Variants in DPYD observed in about 807,000 individuals in gnomAD.
DPYD encodes the protein dihydropyrimidine dehydrogenase [NADP(+)].
A neutral mutation model predicts 116.2 loss-of-function variants in DPYD; 109 were observed. The observed-to-expected ratio is 0.94, with a 90% CI of 0.80 to 1.10. The LOEUF (loss-of-function observed/expected upper bound fraction) is 1.10, where lower values mean the gene tolerates loss of function less well. DPYD is among the 50% of genes least tolerant of loss of function. DPYD has a pLI of 0.00. For synonymous variants in DPYD, 440 were observed against 432.0 expected (o/e 1.02, Z -0.23); for missense variants, 1,302 against 1,254.5 (o/e 1.04, Z -0.57).
chr1:97,919,555 T>C (rs77822194), intron 1 of DPYD, among the ~76,000 whole-genome samples: 2,746 of 152,256 alleles, frequency 0.018, 33 homozygotes, highest in Non-Finnish European at 0.028. Context: ...CTTAATACTG[T>C]CAGAAGCTTG....
At chr1:97,259,824 C>T (rs1284605211) in intron 18 of DPYD, among the ~76,000 whole-genome samples, 1 of 152,010 alleles carries the variant, frequency 6.6e-6, no homozygotes, top group African/African-American at 2.4e-5. Flanking sequence ...TCAGACTAGC[C>T]AGACTGAAAT....
chr1:97,223,455 C>A (rs917614130), intron 19 of DPYD, among the ~76,000 whole-genome samples: 5 of 151,610 alleles, frequency 3.3e-5, no homozygotes, highest in Non-Finnish European at 7.4e-5. Context: ...AATGAAGGCA[C>A]AGGTCATAAT....
chr1:97,412,052 A>T (rs190816305), intron 14 of DPYD, among the ~76,000 whole-genome samples: 22 of 152,342 alleles, frequency 1.4e-4, no homozygotes, highest in African/African-American at 4.3e-4. Flanking sequence ...AAGGGTATAC[A>T]CCTCATTAAG....
At chr1:97,311,696 C>T (rs1299217679) in intron 16 of DPYD, among the ~76,000 whole-genome samples, 1 of 151,538 alleles carries the variant, frequency 6.6e-6, no homozygotes, top group African/African-American at 2.4e-5. Flanking sequence ...GGAAAAAATC[C>T]AAATTGTCCA....
At position 97,819,327 on chromosome 1, in the gene DPYD, T is replaced by C. The variant is rs559447458; in HGVS notation, c.233+8787A>G. On this transcript the variant is annotated intron_variant, in intron 3 of 22. Transcript: ENST00000370192. ...AATTAAGATAGAATTTTAGAAATGATTAAAATAGAAAAGAGTTGAAACATT... is the reference window on the plus strand; with the variant it reads ...AATTAAGATAGAATTTTAGAAATGACTAAAATAGAAAAGAGTTGAAACATT... Among the ~76,000 whole-genome samples the C allele has an allele frequency of 2.0e-5, 3 of 151,974 alleles. No homozygotes were observed. In the South Asian group the frequency reaches 6.2e-4, roughly 31 times the overall value.
At chr1:97,720,863 AAG>A in intron 5 of DPYD, 1 of 1,608,628 alleles carries the variant, frequency 6.2e-7, no homozygotes, top group Admixed American at 1.7e-5. Context: ...CAGAGAGCCC[AAG>A]AGTGTCTGAA....
chr1:97,736,841 T>C lies in DPYD; in HGVS notation c.321+3551A>G, dbSNP rs549216783. Among the ~76,000 whole-genome samples the C allele has an allele frequency of 2.6e-4, 35 of 133,104 alleles. No homozygotes were observed. The South Asian group carries it at 8.9e-3, about 34-fold the overall frequency. 87.3% of individuals were successfully genotyped at this position (133,104 alleles called of 152,430 possible). The stretch of plus-strand genomic sequence containing the variant: ...ACAGAGATAGAGGTGGGGGTGTGTG[T>C]GTGTGCATTTGTGTGTGTGTGTGTG... On this transcript the variant is annotated intron_variant, in intron 4 of 22. Coordinates refer to ENST00000370192, the MANE Select transcript of DPYD (RefSeq NM_000110.4).
intron 20 of DPYD, among the ~76,000 whole-genome samples, chr1:97,143,120 G>A (rs1307317421): frequency 2.6e-5 from 4 of 151,626 alleles, no homozygotes; most frequent in Admixed American, 1.3e-4. Flanking sequence ...GATATAGCAA[G>A]GTTTCTTGTT....
intron 5 of DPYD, among the ~76,000 whole-genome samples, chr1:97,714,858 T>C (rs574224737): frequency 6.6e-6 from 1 of 152,198 alleles, no homozygotes; most frequent in Admixed American, 6.6e-5. Flanking sequence ...GCCTCTGTCT[T>C]TGACTAGTAA....
intron 16 of DPYD, among the ~76,000 whole-genome samples, chr1:97,368,222 A>T (rs1671142072): frequency 6.6e-6 from 1 of 152,166 alleles, no homozygotes; most frequent in African/African-American, 2.4e-5. Context: ...AGAACACTAG[A>T]CAGGGGTCAG....
intron 13 of DPYD, among the ~76,000 whole-genome samples, chr1:97,509,509 T>A (rs999440100): frequency 2.0e-5 from 3 of 151,904 alleles, no homozygotes; most frequent in Non-Finnish European, 4.4e-5. Flanking sequence ...ACATAATACA[T>A]CTCTAGAAAG....
At chr1:97,706,239 C>G (rs1233886917) in intron 5 of DPYD, among the ~76,000 whole-genome samples, 1 of 151,608 alleles carries the variant, frequency 6.6e-6, no homozygotes, top group African/African-American at 2.4e-5. Flanking sequence ...CTTTACAAAC[C>G]AAGAATTGTT....
intron 15 of DPYD, among the ~76,000 whole-genome samples, chr1:97,375,029 CAAAAA>C (rs35693384): frequency 2.6e-5 from 3 of 116,112 alleles, no homozygotes; most frequent in Admixed American, 9.8e-5. Flanking sequence ...ACTCCAGTTC[CAAAAA>C]AAAAAAAAAA....
intron 18 of DPYD, among the ~76,000 whole-genome samples, chr1:97,281,907 G>C (rs1258326412): frequency 6.6e-6 from 1 of 151,932 alleles, no homozygotes; most frequent in Non-Finnish European, 1.5e-5. Flanking sequence ...TTACCAATTT[G>C]ATACTCAAAA....
At chr1:97,182,294 C>T (rs1177710495) in intron 20 of DPYD, among the ~76,000 whole-genome samples, 1 of 152,114 alleles carries the variant, frequency 6.6e-6, no homozygotes, top group Non-Finnish European at 1.5e-5. Flanking sequence ...CTTAAGATAT[C>T]ACTCAAACCA....
intron 20 of DPYD, among the ~76,000 whole-genome samples, chr1:97,133,380 A>T (rs1307427488): frequency 2.0e-5 from 3 of 152,084 alleles, no homozygotes; most frequent in Non-Finnish European, 4.4e-5. Flanking sequence ...TTGAAAAAAT[A>T]ACTTTTTTCT....
intron 2 of DPYD, among the ~76,000 whole-genome samples, chr1:97,832,048 TGTG>T (rs1260284083): frequency 8.6e-6 from 1 of 115,958 alleles, no homozygotes; most frequent in African/African-American, 4.1e-5. Flanking sequence ...TAATGTATTG[TGTG>T]TGTGTGTGTG....
intron 13 of DPYD, among the ~76,000 whole-genome samples, chr1:97,493,736 A>G (rs1679100232): frequency 6.6e-6 from 1 of 152,222 alleles, no homozygotes; most frequent in Non-Finnish European, 1.5e-5. Context: ...AATTAAAAAG[A>G]GGCCCACAGC....
intron 18 of DPYD, among the ~76,000 whole-genome samples, chr1:97,257,480 G>C (rs867471689): frequency 6.7e-6 from 1 of 148,628 alleles, no homozygotes; most frequent in African/African-American, 2.5e-5. Flanking sequence ...GAGAGAGCAC[G>C]TGAGTTATGT....
Sources: allele counts gnomAD v4.1 joint callset (sites outside exome capture counted in the v4.1 genomes callset), GRCh38; gene constraint gnomAD v4.1.1; transcripts MANE v1.5; gene names NCBI Gene and HGNC (gene_info 2026-07-23, HGNC 2026-07-21).